Variants in PHIP observed in about 807,000 individuals in gnomAD.
PHIP encodes PHIP subunit of CUL4-Ring ligase complex.
A neutral mutation model predicts 236.8 loss-of-function variants in PHIP; 54 were observed. That is an observed-to-expected ratio of 0.23 (90% CI 0.18 to 0.29). PHIP has a LOEUF of 0.29. Ranked by LOEUF, PHIP falls within the 10% of genes least tolerant of loss-of-function variation. PHIP has a pLI of 1.00. For synonymous variants in PHIP, 756 were observed against 718.9 expected, an observed-to-expected ratio of 1.05 and a Z score of -0.83; for missense variants, 1,370 against 2,190.8, an observed-to-expected ratio of 0.63 and a Z score of 7.48.
chr6:79,033,289 G>A (rs1771763132), intron 7 of PHIP, among the ~76,000 whole-genome samples: 1 of 152,088 alleles, frequency 6.6e-6, no homozygotes, highest in Admixed American at 6.5e-5. Context: ...GAGTCAGCCT[G>A]CTTTTTGAAG....
intron 21 of PHIP, among the ~76,000 whole-genome samples, chr6:78,986,033 A>G (rs969249332): frequency 4.0e-4 from 61 of 152,304 alleles, no homozygotes; most frequent in African/African-American, 1.5e-3. Context: ...AACAAATTCC[A>G]TATTTACATT....
At chr6:78,972,969 G>A (rs1407439653) in intron 24 of PHIP, among the ~76,000 whole-genome samples, 4 of 140,118 alleles carry the variant, frequency 2.9e-5, no homozygotes, top group East Asian at 2.0e-4. Flanking sequence ...TATTATCCAC[G>A]AGAATTTCCC....
At chr6:78,962,588 T>A (rs960062521) in intron 30 of PHIP, among the ~76,000 whole-genome samples, 1 of 152,148 alleles carries the variant, frequency 6.6e-6, no homozygotes, top group African/African-American at 2.4e-5. Context: ...CACCACATAA[T>A]CTAGTTACTT....
At position 78,945,491 on chromosome 6, in the gene PHIP, T is replaced by G. The variant is rs749959318; in HGVS notation, c.4637A>C (p.Glu1546Ala). ...AGCTTTGGAATGTTTCACAGAATTC[T>G]CTAGTACTAAAACATACAAACAAAA... is the stretch of plus-strand genomic sequence containing the variant. ...ASAIPGKTILENSVKHSKALN... is the reference protein window; with the variant it reads ...ASAIPGKTILANSVKHSKALN... The change falls in exon 39 of 40, where the codon GAG becomes GCG. Residue 1546 changes from glutamate (E) to alanine (A), a missense_variant. Physicochemically the swap from Glu to Ala is moderately radical, Grantham distance 107. This residue lies in a region of PHIP where 309 missense variants were observed against 328.3 expected (regional missense o/e 0.94). Coordinates refer to ENST00000275034, the MANE Select transcript of PHIP (RefSeq NM_017934.7). 1 of 1,593,294 alleles carries G rather than the reference T, an allele frequency of 6.3e-7. No individual in the cohort carries two copies. Among genetic ancestry groups the G allele is most frequent in the Admixed American group, 1.7e-5 (1 of 59,842 alleles).
intron 30 of PHIP, 152 bp downstream of exon 30, chr6:78,962,945 A>G: frequency 1.6e-6 from 1 of 628,968 alleles, no homozygotes; most frequent in Non-Finnish European, 2.7e-6. Flanking sequence ...GTCCTGTGTT[A>G]AGACCACATT....
At chr6:79,020,415 T>C (rs1196083176) in intron 9 of PHIP, among the ~76,000 whole-genome samples, 2 of 152,196 alleles carry the variant, frequency 1.3e-5, no homozygotes, top group Non-Finnish European at 2.9e-5. Context: ...AGACAGATAT[T>C]AGAACATTCT....
chr6:78,962,037 C>T (rs957451078), intron 30 of PHIP, among the ~76,000 whole-genome samples: 2 of 151,974 alleles, frequency 1.3e-5, no homozygotes, highest in Middle Eastern at 3.4e-3. Flanking sequence ...ATAGGTTCAC[C>T]GGGAGAAAGA....
intron 30 of PHIP, 66 bp downstream of exon 30, chr6:78,963,031 A>G: frequency 7.0e-7 from 1 of 1,429,154 alleles, no homozygotes; most frequent in Non-Finnish European, 9.4e-7. Context: ...GTTGGAGAAT[A>G]ACAGTATTTT....
At chr6:78,957,636 T>G (rs1204483599) in intron 32 of PHIP, 1 of 149,600 alleles carries the variant, frequency 6.7e-6, no homozygotes, top group Non-Finnish European at 1.5e-5. Context: ...AAATGAAAGC[T>G]GATAACAGCT....
chr6:79,049,110 T>C (rs979445421), intron 6 of PHIP, among the ~76,000 whole-genome samples: 3 of 151,878 alleles, frequency 2.0e-5, no homozygotes, highest in Non-Finnish European at 2.9e-5. Flanking sequence ...CACTCTGTCG[T>C]ACAGGCTGGA....
At chr6:78,950,799 A>G (rs761276176) in intron 35 of PHIP, among the ~76,000 whole-genome samples, 9 of 150,410 alleles carry the variant, frequency 6.0e-5, no homozygotes, top group Admixed American at 3.3e-4. Flanking sequence ...CCCAGCTTTC[A>G]ATTTCATAGA....
chr6:79,002,162 A>G, intron 16 of PHIP, 38 bp from the exon 17 acceptor site: 1 of 1,401,154 alleles, frequency 7.1e-7, no homozygotes, highest in South Asian at 1.2e-5. Context: ...TGGAAAAATA[A>G]AAATGTATCA....
At chr6:78,990,769 A>ATAAT in intron 20 of PHIP, 99 bp downstream of exon 20, 1 of 586,148 alleles carries the variant, frequency 1.7e-6, no homozygotes, top group Admixed American at 3.0e-5. Flanking sequence ...TTTTATCATT[A>ATAAT]ACCTGTTTAT....
In PHIP at chr6:78,938,220, G is replaced by C. The variant is rs1773343971; in HGVS notation, c.*2473C>G. Reference sequence around the variant, plus strand: ...TACAAAGAATCTGATCCAAGTTACTGTGCTTTACTAAGAAACCAGTGTCTA... The same window carrying C: ...TACAAAGAATCTGATCCAAGTTACTCTGCTTTACTAAGAAACCAGTGTCTA... On this transcript the variant is annotated 3_prime_UTR_variant, in exon 40 of 40. Transcript: ENST00000275034. The C allele has an allele frequency of 6.6e-6, 1 of 151,768 alleles. No individual in the cohort carries two copies. Among genetic ancestry groups the C allele is most frequent in the South Asian group, 2.1e-4 (1 of 4,824 alleles). The allele number at this position is 151,768 out of a possible 1,614,324, so 9.4% of individuals were successfully genotyped here.
chr6:79,042,693 TA>T (rs1417408288), intron 7 of PHIP, 149 bp downstream of exon 7: 46 of 540,220 alleles, frequency 8.5e-5, no homozygotes, highest in Non-Finnish European at 1.4e-4. Flanking sequence ...CAAATTTAAC[TA>T]AACTCTTCTG....
intron 27 of PHIP, among the ~76,000 whole-genome samples, chr6:78,967,153 G>T (rs895136235): frequency 6.6e-6 from 1 of 152,058 alleles, no homozygotes. Context: ...CATATAGCAT[G>T]AAATGAATTA....
At chr6:78,988,477 A>C in intron 20 of PHIP, 128 bp from the exon 21 acceptor site, 1 of 589,852 alleles carries the variant, frequency 1.7e-6, no homozygotes, top group Non-Finnish European at 2.8e-6. Flanking sequence ...AGTCCCAGCT[A>C]CTTGGGAAGA....
intron 7 of PHIP, among the ~76,000 whole-genome samples, chr6:79,039,842 A>T (rs1175506559): frequency 6.6e-6 from 1 of 151,712 alleles, no homozygotes; most frequent in African/African-American, 2.4e-5. Context: ...AAAGGCTAAA[A>T]GAGAATTAGT....
intron 4 of PHIP, among the ~76,000 whole-genome samples, chr6:79,064,253 A>C (rs1286891487): frequency 1.3e-5 from 2 of 151,506 alleles, no homozygotes; most frequent in African/African-American, 2.4e-5. Flanking sequence ...CTCTCAACCA[A>C]CTCCTTCCCA....
Sources: gnomAD v4.1 joint callset for allele counts (sites outside exome capture counted in the v4.1 genomes callset) on GRCh38, gnomAD v4.1.1 for gene constraint, gnomAD v4.1.1 regional missense constraint, MANE v1.5 for transcripts, NCBI Gene and HGNC (gene_info 2026-07-23, HGNC 2026-07-21) for gene names.